The following DNAJB13 variants were observed in gnomAD, a reference collection of about 807,000 sequenced individuals.
DNAJB13 encodes the protein dnaJ homolog subfamily B member 13.
Under a neutral mutation model 35.6 loss-of-function variants are expected in DNAJB13, and 22 were observed. The observed-to-expected ratio is 0.62, with a 90% CI of 0.44 to 0.88. DNAJB13 has a LOEUF of 0.88. Among genes scored for constraint, DNAJB13 ranks in the 40% least tolerant of loss-of-function variants. DNAJB13 has a pLI of 0.00. For missense variants in DNAJB13, 370 were observed against 384.3 expected, an observed-to-expected ratio of 0.96 and a Z score of 0.31; for synonymous variants, 136 against 144.2, an observed-to-expected ratio of 0.94 and a Z score of 0.41.
Position 73,964,810 on chromosome 11 carries a change from T to TGCGCGCGCGC in DNAJB13, c.335-67_335-66insCGCGCGCGCG, listed in dbSNP as rs763008519. On this transcript the variant is annotated intron_variant, in intron 3 of 7. Transcript: ENST00000339764. ...GTGTGTGTGTGTGTGTGTGTGTGTG[T>TGCGCGCGCGC]GTGCGCGCGCGCGCATGTCTGGGTC... 2.4e-5 allele frequency: 17 copies of TGCGCGCGCGC among 705,640 alleles called. No individual in the cohort carries two copies. The African/African-American group carries it at 3.1e-4, about 13-fold the overall frequency. The allele number at this position is 705,640 out of a possible 1,614,324, so 43.7% of individuals were successfully genotyped here. A position where few individuals can be genotyped will look rare whatever the true frequency, so the allele number is the denominator to read the frequency against.
chr11:73,968,154 T>C, intron 5 of DNAJB13, 191 bp from the exon 6 acceptor site: 2 of 605,760 alleles, frequency 3.3e-6, no homozygotes, highest in Middle Eastern at 2.8e-4. Context: ...TCTGGGGGGA[T>C]TCATTTGGGT....
chr11:73,963,915 G>T (rs1951008751), intron 3 of DNAJB13: 1 of 152,146 alleles, frequency 6.6e-6, no homozygotes, highest in Non-Finnish European at 1.5e-5. Flanking sequence ...AAGGACACAG[G>T]TTCCGTAGTC....
At chr11:73,966,531 G>A (rs1951121154) in intron 5 of DNAJB13, among the ~76,000 whole-genome samples, 1 of 151,986 alleles carries the variant, frequency 6.6e-6, no homozygotes, top group South Asian at 2.1e-4. Context: ...ACTTGCCCAG[G>A]GCAAGAACAT....
At position 73,970,057 on chromosome 11, in the gene DNAJB13, C is replaced by T; in HGVS notation, c.894C>T (p.Phe298=). Residue 298 remains phenylalanine, a synonymous_variant, in exon 8 of 8, where the codon TTC becomes TTT. Coordinates refer to ENST00000339764, the MANE Select transcript of DNAJB13 (RefSeq NM_153614.4). Reference sequence around the variant, plus strand: ...TCTTCATCTTCTTCGACATCCAGTTCCCCACCCGCCTCACACCCCAGAAGA... The same window carrying T: ...TCTTCATCTTCTTCGACATCCAGTTTCCCACCCGCCTCACACCCCAGAAGA... ...GDLFIFFDIQ[F]PTRLTPQKKQ... The T allele has an allele frequency of 6.2e-7, 1 of 1,610,870 alleles. No individual in the cohort carries two copies. Among genetic ancestry groups the T allele is most frequent in the Non-Finnish European group, 8.5e-7 (1 of 1,178,464 alleles).
intron 7 of DNAJB13, 141 bp from the exon 8 acceptor site, chr11:73,969,820 T>A: frequency 8.9e-7 from 1 of 1,120,314 alleles, no homozygotes; most frequent in African/African-American, 1.6e-5. Context: ...CCCAACCAGT[T>A]CTGGCTAAGA....
Position 73,959,687 on chromosome 11 carries a change from T to G in DNAJB13, c.334+32T>G, listed in dbSNP as rs764475279. The G allele has an allele frequency of 3.7e-6, 6 of 1,602,564 alleles. No individual in the cohort carries two copies. The East Asian group carries it at 1.3e-4, about 36-fold the overall frequency. ...GGTCTTCCTCCCCCACCTTGCCTTA[T>G]AGAGAAAGGACACTGCTATAAGTGA... is the stretch of plus-strand genomic sequence containing the variant. On this transcript the variant is annotated intron_variant, in intron 3 of 7. Transcript: ENST00000339764.
At position 73,958,224 on chromosome 11, in the gene DNAJB13, A is replaced by G. The variant is rs964440100; in HGVS notation, c.69-93A>G. 7.0e-6 allele frequency: 9 copies of G among 1,278,694 alleles called. No individual in the cohort carries two copies. In the African/African-American group the frequency reaches 1.0e-4, roughly 15 times the overall value. The allele number at this position is 1,278,694 out of a possible 1,614,324, so 79.2% of individuals were successfully genotyped here. A position where few individuals can be genotyped will look rare whatever the true frequency, so the allele number is the denominator to read the frequency against. ...GTGAAGTCACCCCGGATTTATAGCT[A>G]GGCAGGAGTGAACAGAGTGCCGGCT... On this transcript the variant is annotated intron_variant, in intron 1 of 7. Transcript: ENST00000339764.
At chr11:73,960,837 T>A (rs1950914176) in intron 3 of DNAJB13, among the ~76,000 whole-genome samples, 1 of 152,220 alleles carries the variant, frequency 6.6e-6, no homozygotes, top group Non-Finnish European at 1.5e-5. Context: ...TATATATAGA[T>A]CTACTTTATT....
In DNAJB13 at chr11:73,968,610, G is replaced by A. The variant is rs3816824; in HGVS notation, c.720+152G>A. 184,805 of 654,342 alleles carry A rather than the reference G, an allele frequency of 0.28. 27,541 individuals carry two copies. The highest frequency in any genetic ancestry group is 0.36 in the Admixed American group (13,156 of 36,464). The allele number at this position is 654,342 out of a possible 1,614,324, so 40.5% of individuals were successfully genotyped here. ...TCTAAATCACCATCCACTTGGTCCC[G>A]TCTGCTCATCTGCACCGCCTGGATC... On this transcript the variant is annotated intron_variant, in intron 6 of 7. Coordinates refer to ENST00000339764, the MANE Select transcript of DNAJB13 (RefSeq NM_153614.4).
intron 5 of DNAJB13, 126 bp downstream of exon 5, chr11:73,966,377 C>T (rs1654246111): frequency 4.7e-6 from 4 of 844,570 alleles, no homozygotes; most frequent in African/African-American, 3.3e-5. Context: ...TGTAGAGAGC[C>T]CAGTCTGCAG....
chr11:73,964,818 C>CCCGT (rs1554992140), intron 3 of DNAJB13, 60 bp from the exon 4 acceptor site: 1 of 1,510,964 alleles, frequency 6.6e-7, no homozygotes, highest in South Asian at 1.1e-5. Context: ...TGTGTGCGCG[C>CCCGT]GCGCGCATGT....
At chr11:73,960,599 G>T (rs879582859) in intron 3 of DNAJB13, among the ~76,000 whole-genome samples, 9 of 152,104 alleles carry the variant, frequency 5.9e-5, no homozygotes, top group Non-Finnish European at 1.0e-4. Context: ...TGGGATTACA[G>T]GCATGAGCCA....
Position 73,956,673 on chromosome 11 carries a change from C to T in DNAJB13, c.69-1644C>T, listed in dbSNP as rs112710745. 2.8e-3 allele frequency among the ~76,000 whole-genome samples: 432 copies of T among 151,976 alleles called. 2 individuals carry two copies. Among genetic ancestry groups the T allele is most frequent in the African/African-American group, 8.9e-3 (368 of 41,446 alleles). ...CAAAAATTAGCCAGGCGTGGTGGCT[C>T]GCGCCTGTAATCCCAGCTACTTGGG... On this transcript the variant is annotated intron_variant, in intron 1 of 7. Coordinates refer to ENST00000339764, the MANE Select transcript of DNAJB13 (RefSeq NM_153614.4).
chr11:73,959,977 C>A lies in DNAJB13; in HGVS notation c.334+322C>A, dbSNP rs1016403144. The A allele has an allele frequency of 1.9e-5, 3 of 160,804 alleles. No homozygotes were observed. In the East Asian group the frequency reaches 5.4e-4, roughly 29 times the overall value. 10.0% of individuals were successfully genotyped at this position (160,804 alleles called of 1,614,324 possible). A position where few individuals can be genotyped will look rare whatever the true frequency, so the allele number is the denominator to read the frequency against. On this transcript the variant is annotated intron_variant, in intron 3 of 7. Transcript: ENST00000339764. ...ACGAGGTTTCACCATGTTGCCCAGG[C>A]TGGTTTCGAACTCCTGAGCTCAGGC...
At chr11:73,952,945 C>T (rs1950623011) in intron 1 of DNAJB13, among the ~76,000 whole-genome samples, 1 of 152,214 alleles carries the variant, frequency 6.6e-6, no homozygotes, top group South Asian at 2.1e-4. Context: ...TGATTAAGGC[C>T]TGGCATGGTG....
At chr11:73,955,497 C>CG (rs1359687452) in intron 1 of DNAJB13, among the ~76,000 whole-genome samples, 2 of 151,660 alleles carry the variant, frequency 1.3e-5, no homozygotes, top group Non-Finnish European at 2.9e-5. Context: ...TTAGTAGAGA[C>CG]GGGGTTTCAC....
At chr11:73,967,175 T>C (rs1329197703) in intron 5 of DNAJB13, among the ~76,000 whole-genome samples, 1 of 151,470 alleles carries the variant, frequency 6.6e-6, no homozygotes, top group African/African-American at 2.4e-5. Flanking sequence ...TTTGTATTTT[T>C]ATAGAGATAG....
chr11:73,962,966 T>G (rs1950975003), intron 3 of DNAJB13, among the ~76,000 whole-genome samples: 1 of 152,046 alleles, frequency 6.6e-6, no homozygotes, highest in Admixed American at 6.6e-5. Flanking sequence ...TCCTAACCAT[T>G]ACATAGCCAA....
chr11:73,964,606 C>CGTATCATT, intron 3 of DNAJB13: 1 of 420,372 alleles, frequency 2.4e-6, no homozygotes. Context: ...GGGAATGTCC[C>CGTATCATT]AAGGGGAGGT....
Sources: gnomAD v4.1 joint callset for allele counts (sites outside exome capture counted in the v4.1 genomes callset) on GRCh38, gnomAD v4.1.1 for gene constraint, MANE v1.5 for transcripts, NCBI Gene and HGNC (gene_info 2026-07-23, HGNC 2026-07-21) for gene names.